Variants in KALRN observed in about 807,000 individuals in gnomAD.
KALRN encodes kalirin.
KALRN carries 70 observed loss-of-function variants against 353.7 expected under a neutral mutation model. The ratio of observed to expected loss-of-function variants is 0.20; its 90% confidence interval spans 0.16 to 0.24. The LOEUF is 0.24. KALRN is among the 10% of genes least tolerant of loss of function. KALRN has a pLI of 1.00. For missense variants in KALRN, 2,791 were observed against 3,756.7 expected (o/e 0.74, Z 6.72); for synonymous variants, 1,391 against 1,434.8 (o/e 0.97, Z 0.69).
intron 1 of KALRN, among the ~76,000 whole-genome samples, chr3:124,083,319 C>T (rs150044812): frequency 6.6e-6 from 1 of 152,116 alleles, no homozygotes; most frequent in Non-Finnish European, 1.5e-5. Context: ...TGAAAAAGTA[C>T]AAGATGTGGT....
intron 10 of KALRN, among the ~76,000 whole-genome samples, chr3:124,371,153 T>G (rs2085780483): frequency 6.6e-6 from 1 of 152,244 alleles, no homozygotes; most frequent in East Asian, 1.9e-4. Flanking sequence ...CTTATCCTTC[T>G]TAGTACCTCA....
chr3:124,157,907 C>T (rs930391860), intron 1 of KALRN, among the ~76,000 whole-genome samples: 3 of 152,174 alleles, frequency 2.0e-5, no homozygotes, highest in Non-Finnish European at 4.4e-5. Flanking sequence ...AGTCCTGTTG[C>T]TCCAGGTGCA....
chr3:124,115,172 G>C (rs2063344657), intron 1 of KALRN, among the ~76,000 whole-genome samples: 1 of 152,122 alleles, frequency 6.6e-6, no homozygotes, highest in African/African-American at 2.4e-5. Flanking sequence ...TTTATGTGGT[G>C]GATGTGTGTT....
intron 10 of KALRN, among the ~76,000 whole-genome samples, chr3:124,383,964 T>C (rs530477770): frequency 6.6e-6 from 1 of 152,276 alleles, no homozygotes; most frequent in Admixed American, 6.5e-5. Flanking sequence ...CTTAGAAATA[T>C]ATGTACACCT....
rs1215285323 is a variant in KALRN at position 124,326,136 on chromosome 3, G to T, written c.1249G>T (p.Ala417Ser). The T allele has an allele frequency of 2.5e-6, 4 of 1,613,058 alleles. No individual in the cohort carries two copies. The African/African-American group carries it at 5.3e-5, about 22-fold the overall frequency. The change falls in exon 7 of 60, where the codon GCC becomes TCC. Residue 417 changes from alanine to serine, a missense_variant. Physicochemically the swap from Ala to Ser is moderately conservative, Grantham distance 99. Transcript: ENST00000682506. Reference protein sequence around the residue: ...AALDERSTILAMSAVFHQKAE... With the variant: ...AALDERSTILSMSAVFHQKAE... ...CCTGGATGAACGCAGCACCATCCTC[G>T]CCATGTCTGCTGTGTTCCACCAGAA... is the stretch of plus-strand genomic sequence containing the variant.
chr3:124,688,976 T>C (rs1412695355), intron 51 of KALRN, among the ~76,000 whole-genome samples: 2 of 152,180 alleles, frequency 1.3e-5, no homozygotes, highest in Non-Finnish European at 2.9e-5. Flanking sequence ...ATGGATCACA[T>C]TGTGGTGGTT....
intron 1 of KALRN, among the ~76,000 whole-genome samples, chr3:124,222,057 C>T (rs1166907068): frequency 1.3e-5 from 2 of 152,158 alleles, no homozygotes; most frequent in Non-Finnish European, 2.9e-5. Flanking sequence ...AGCAGACTGG[C>T]TTCTCTGTCC....
intron 34 of KALRN, among the ~76,000 whole-genome samples, chr3:124,573,219 C>T (rs2073742609): frequency 6.6e-6 from 1 of 151,944 alleles, no homozygotes. Context: ...GCTATGATTG[C>T]ACAACTGCAC....
At chr3:124,646,460 G>A (rs12494957) in intron 37 of KALRN, among the ~76,000 whole-genome samples, 4,864 of 144,940 alleles carry the variant, frequency 0.034, 454 homozygotes, top group East Asian at 0.33. Context: ...GCATGATCTC[G>A]GCTCACTGCA....
At chr3:124,549,371 T>G (rs1012755205) in intron 33 of KALRN, among the ~76,000 whole-genome samples, 1 of 143,240 alleles carries the variant, frequency 7.0e-6, no homozygotes, top group African/African-American at 2.6e-5. Flanking sequence ...ACACATAATC[T>G]CACACACACA....
intron 34 of KALRN, among the ~76,000 whole-genome samples, chr3:124,576,081 A>C (rs2074061585): frequency 6.6e-6 from 1 of 151,588 alleles, no homozygotes; most frequent in Admixed American, 6.6e-5. Flanking sequence ...CAGATACCCC[A>C]GATCCTCAGA....
chr3:124,612,401 C>G (rs2078096262), intron 34 of KALRN, among the ~76,000 whole-genome samples: 2 of 152,322 alleles, frequency 1.3e-5, no homozygotes, highest in South Asian at 4.1e-4. Context: ...TGGGGTTTCT[C>G]CATGTTGGTC....
chr3:124,243,489 A>G (rs566276978), intron 3 of KALRN, among the ~76,000 whole-genome samples: 1 of 152,318 alleles, frequency 6.6e-6, no homozygotes, highest in South Asian at 2.1e-4. Flanking sequence ...CGATAAATCA[A>G]GGACCCACCC....
At chr3:124,677,687 G>A (rs1373270756) in intron 49 of KALRN, 2 of 440,598 alleles carry the variant, frequency 4.5e-6, no homozygotes, top group Non-Finnish European at 9.1e-6. Flanking sequence ...GTTTGGGAGT[G>A]GCCCTGCCCA....
At chr3:124,158,675 C>T (rs2069400048) in intron 1 of KALRN, among the ~76,000 whole-genome samples, 1 of 152,188 alleles carries the variant, frequency 6.6e-6, no homozygotes, top group Non-Finnish European at 1.5e-5. Flanking sequence ...CCAGGGTACC[C>T]TCCTCCCCCC....
chr3:124,641,015 C>T (rs374952448), intron 37 of KALRN, among the ~76,000 whole-genome samples: 1 of 152,120 alleles, frequency 6.6e-6, no homozygotes. Flanking sequence ...CTTTAGAATT[C>T]GTTTGGCTCC....
chr3:124,369,746 C>T (rs1163964010), intron 10 of KALRN, among the ~76,000 whole-genome samples: 1 of 151,704 alleles, frequency 6.6e-6, no homozygotes, highest in East Asian at 1.9e-4. Context: ...CCCCAACTCC[C>T]CCGCCTCAAG....
At chr3:124,541,094 T>A (rs974910410) in intron 33 of KALRN, among the ~76,000 whole-genome samples, 11 of 152,192 alleles carry the variant, frequency 7.2e-5, no homozygotes, top group Admixed American at 2.6e-4. Context: ...CAGAACTGTT[T>A]TTGTTACCTA....
intron 1 of KALRN, among the ~76,000 whole-genome samples, chr3:124,202,512 A>G (rs893719976): frequency 5.9e-5 from 9 of 152,164 alleles, no homozygotes; most frequent in Admixed American, 2.0e-4. Flanking sequence ...TAGGCCTCCC[A>G]AAGTGCTGGG....
Sources: allele counts gnomAD v4.1 joint callset (sites outside exome capture counted in the v4.1 genomes callset), GRCh38; gene constraint gnomAD v4.1.1; transcripts MANE v1.5; gene names NCBI Gene and HGNC (gene_info 2026-07-23, HGNC 2026-07-21).